The following ORC1 variants were observed in gnomAD, a reference collection of about 807,000 sequenced individuals.
ORC1 encodes the protein origin recognition complex subunit 1.
In ORC1, 61 loss-of-function variants were observed where a neutral mutation model predicts 98.9. The observed-to-expected ratio is 0.62, with a 90% CI of 0.50 to 0.76. The LOEUF is 0.76. Ranked by LOEUF, ORC1 falls within the 30% of genes least tolerant of loss-of-function variation. The probability of loss-of-function intolerance (pLI) is 0.00; values close to 1 mark genes in which losing one functional copy is unlikely to be tolerated. For missense variants in ORC1, 979 were observed against 1,072.2 expected (o/e 0.91, Z 1.21); for synonymous variants, 385 against 406.9 (o/e 0.95, Z 0.65).
At chr1:52,387,865 G>A (rs1358574156) in intron 8 of ORC1, among the ~76,000 whole-genome samples, 1 of 152,226 alleles carries the variant, frequency 6.6e-6, no homozygotes, top group Non-Finnish European at 1.5e-5. Context: ...GTGTTCCAAA[G>A]AATAAGATGC....
chr1:52,375,631 A>T, intron 14 of ORC1, 32 bp from the exon 15 acceptor site: 1 of 1,608,272 alleles, frequency 6.2e-7, no homozygotes, highest in African/African-American at 1.3e-5. Context: ...TCCTGAGGCC[A>T]CCTTAGCCCA....
At chr1:52,388,337 T>G (rs889644266) in intron 8 of ORC1, 105 bp downstream of exon 8, 49 of 928,938 alleles carry the variant, frequency 5.3e-5, no homozygotes, top group African/African-American at 2.7e-4. Context: ...ATATAACAGA[T>G]CTGTCCTCAG....
chr1:52,402,124 C>T lies in ORC1; in HGVS notation c.95+5G>A. ...CCAGGACAACCAAAGGACCCCATCA[C>T]TCACCTATAGGTTTGGTAGTGCAGT... On this transcript the variant is annotated splice_donor_5th_base_variant and intron_variant, in intron 2 of 16. Coordinates refer to ENST00000371568, the MANE Select transcript of ORC1 (RefSeq NM_004153.4). 6.2e-7 allele frequency: 1 copy of T among 1,609,590 alleles called. No individual in the cohort carries two copies. Among genetic ancestry groups the T allele is most frequent in the Non-Finnish European group, 8.5e-7 (1 of 1,175,886 alleles).
At chr1:52,376,819 G>A (rs1647000933) in intron 14 of ORC1, among the ~76,000 whole-genome samples, 2 of 152,098 alleles carry the variant, frequency 1.3e-5, no homozygotes, top group African/African-American at 2.4e-5. Flanking sequence ...GCTGCTGCTG[G>A]GACAAGGGAG....
Position 52,402,116 on chromosome 1 carries a change from C to T in ORC1, c.95+13G>A. 6.3e-7 allele frequency: 1 copy of T among 1,594,548 alleles called. No individual in the cohort carries two copies. Among genetic ancestry groups the T allele is most frequent in the Non-Finnish European group, 8.6e-7 (1 of 1,162,128 alleles). ...CTGTATTTCCAGGACAACCAAAGGA[C>T]CCCATCACTCACCTATAGGTTTGGT... On this transcript the variant is annotated intron_variant, in intron 2 of 16. Coordinates refer to ENST00000371568, the MANE Select transcript of ORC1 (RefSeq NM_004153.4).
chr1:52,382,860 G>A (rs1188831477), intron 13 of ORC1, among the ~76,000 whole-genome samples: 2 of 151,892 alleles, frequency 1.3e-5, no homozygotes, highest in Non-Finnish European at 2.9e-5. Flanking sequence ...GATTACAGGC[G>A]TGAGCCACTG....
In ORC1 at chr1:52,373,024, T is replaced by C. The variant is rs1232137109; in HGVS notation, c.*157A>G. On this transcript the variant is annotated 3_prime_UTR_variant, in exon 17 of 17. Coordinates refer to ENST00000371568, the MANE Select transcript of ORC1 (RefSeq NM_004153.4). ...GCATGTGCCTGTAGTTTCAGCCACC[T>C]GGGAGGATGAGGTTGGGGGGTCACC... The C allele has an allele frequency of 3.8e-6, 3 of 793,590 alleles. No individual in the cohort carries two copies. Among genetic ancestry groups the C allele is most frequent in the Non-Finnish European group, 6.6e-6 (3 of 452,618 alleles). 49.2% of individuals were successfully genotyped at this position (793,590 alleles called of 1,614,324 possible).
chr1:52,395,678 T>C (rs1446344912), intron 5 of ORC1, among the ~76,000 whole-genome samples: 1 of 152,158 alleles, frequency 6.6e-6, no homozygotes, highest in Non-Finnish European at 1.5e-5. Flanking sequence ...TAGCCAGGCA[T>C]AGTGGTACAC....
chr1:52,381,919 AGTG>A (rs1325085782), intron 13 of ORC1, among the ~76,000 whole-genome samples, 158 bp from the exon 14 acceptor site: 7 of 152,174 alleles, frequency 4.6e-5, no homozygotes, highest in Non-Finnish European at 8.8e-5. Context: ...GACAATGACC[AGTG>A]GTGTCCTGTA....
intron 5 of ORC1, among the ~76,000 whole-genome samples, chr1:52,394,389 A>G (rs1285057291): frequency 6.6e-6 from 1 of 152,202 alleles, no homozygotes; most frequent in Non-Finnish European, 1.5e-5. Context: ...GGCGTGTGCC[A>G]GGGGCTGAGG....
chr1:52,378,387 C>T (rs1338257633), intron 14 of ORC1, among the ~76,000 whole-genome samples: 1 of 150,512 alleles, frequency 6.6e-6, no homozygotes, highest in Non-Finnish European at 1.5e-5. Context: ...TGGCCAGGTG[C>T]AGTGGCTCAC....
chr1:52,400,036 A>G (rs1475373271), intron 3 of ORC1, among the ~76,000 whole-genome samples: 1 of 152,222 alleles, frequency 6.6e-6, no homozygotes, highest in African/African-American at 2.4e-5. Flanking sequence ...CCAATGGAGC[A>G]CCAAGAGAGG....
At chr1:52,398,280 T>G (rs565367752) in intron 3 of ORC1, among the ~76,000 whole-genome samples, 116 of 150,378 alleles carry the variant, frequency 7.7e-4, no homozygotes, top group African/African-American at 2.5e-3. Flanking sequence ...TTTTTTTTTT[T>G]TGTGACGGAG....
intron 7 of ORC1, 35 bp from the exon 8 acceptor site, chr1:52,388,672 G>A: frequency 1.3e-6 from 2 of 1,557,772 alleles, no homozygotes; most frequent in African/African-American, 1.4e-5. Context: ...GATACTCAGT[G>A]TTCAAGTCTA....
Position 52,385,867 on chromosome 1 carries a change from T to A in ORC1, c.1466A>T (p.Glu489Val), listed in dbSNP as rs141749112. The change falls in exon 9 of 17, where the codon GAG becomes GTG. Residue 489 changes from glutamate to valine, a missense_variant. Physicochemically the swap from Glu to Val is moderately radical, Grantham distance 121 (BLOSUM62 -2). Coordinates refer to ENST00000371568, the MANE Select transcript of ORC1 (RefSeq NM_004153.4). ...LAAQEPASVL[E>V]EARLRLHVSA... is the part of the protein sequence containing the mutation. The stretch of plus-strand genomic sequence containing the variant: ...GCAGCAGTACCTCAGTCGGGCTTCC[T>A]CCAGCACACTGGCTGGCTCCTGGGC... 1.6e-4 allele frequency: 251 copies of A among 1,613,266 alleles called. No individual in the cohort carries two copies. Among genetic ancestry groups the A allele is most frequent in the Non-Finnish European group, 2.1e-4 (246 of 1,179,488 alleles).
rs182725706 is a variant in ORC1, at chr1:52,383,500, C to T, written c.1933G>A (p.Ala645Thr). The change falls in exon 13 of 17, where the codon GCC (alanine) becomes ACC (threonine). Residue 645 changes from alanine to threonine, a missense_variant. Ala to Thr is a moderately conservative substitution (Grantham distance 58). Transcript: ENST00000371568. ...NLFDWPTHKEARLVVLAIANT... is the reference protein window; with the variant it reads ...NLFDWPTHKETRLVVLAIANT... Reference sequence around the variant, plus strand: ...GCAATTGCCAGGACCACAAGCCGGGCCTCCTTATGAGTGGGCCAGTCAAAG... The same window carrying T: ...GCAATTGCCAGGACCACAAGCCGGGTCTCCTTATGAGTGGGCCAGTCAAAG... The T allele has an allele frequency of 3.0e-5, 48 of 1,613,814 alleles. 2 individuals carry two copies. In the Admixed American group the frequency reaches 5.2e-4, roughly 17 times the overall value.
upstream of ORC1, chr1:52,408,421 C>A: frequency 9.6e-7 from 1 of 1,046,100 alleles, no homozygotes; most frequent in Non-Finnish European, 1.5e-6. Context: ...AGCTGTCTTT[C>A]TTCTGCTGCA....
Position 52,401,428 on chromosome 1 carries a change from C to A in ORC1, c.157G>T (p.Val53Leu), listed in dbSNP as rs1647701178. The A allele has an allele frequency of 6.2e-7, 1 of 1,614,108 alleles. No homozygotes were observed. Among genetic ancestry groups the A allele is most frequent in the Non-Finnish European group, 8.5e-7 (1 of 1,180,002 alleles). ...TCATCATCATCCCCTTCAATCAACA[C>A]AAACTGTCCAATCTGGATGTGAATC... ...TEIHIQIGQF[V>L]LIEGDDDENP... The change falls in exon 3 of 17, where the codon GTG becomes TTG. Residue 53 changes from valine (V) to leucine (L), a missense_variant. By Grantham distance (32) the Val-to-Leu change is conservative. Transcript: ENST00000371568.
At chr1:52,402,086 A>C (rs977769554) in intron 2 of ORC1, 43 bp downstream of exon 2, 66 of 1,392,322 alleles carry the variant, frequency 4.7e-5, no homozygotes, top group Non-Finnish European at 6.7e-5. Context: ...GTTTAGCTTG[A>C]GAAGCTGTAT....
Sources: gnomAD v4.1 joint callset for allele counts (sites outside exome capture counted in the v4.1 genomes callset) on GRCh38, gnomAD v4.1.1 for gene constraint, MANE v1.5 for transcripts, NCBI Gene and HGNC (gene_info 2026-07-23, HGNC 2026-07-21) for gene names.